AMPH: variants seen among roughly 807,000 people sequenced by gnomAD.
AMPH encodes amphiphysin (Stiff-Mann syndrome with breast cancer 128kD autoantigen).
Under a neutral mutation model 99.1 loss-of-function variants are expected in AMPH, and 49 were observed. The ratio of observed to expected loss-of-function variants is 0.49; its 90% CI spans 0.39 to 0.63. The LOEUF (loss-of-function observed/expected upper bound fraction) is 0.63. Ranked by LOEUF, AMPH falls within the 20% of genes least tolerant of loss-of-function variation. AMPH has a pLI of 0.00. For synonymous variants in AMPH, 314 were observed against 317.3 expected (o/e 0.99, Z 0.11); for missense variants, 759 against 863.4 (o/e 0.88, Z 1.52).
intron 1 of AMPH, among the ~76,000 whole-genome samples, chr7:38,573,538 A>G (rs1275249796): frequency 1.3e-5 from 2 of 152,228 alleles, no homozygotes; most frequent in African/African-American, 4.8e-5. Context: ...ACATGTTGTA[A>G]CTATTGTGTG....
At chr7:38,398,829 C>T (rs945708842) in intron 17 of AMPH, among the ~76,000 whole-genome samples, 1 of 151,510 alleles carries the variant, frequency 6.6e-6, no homozygotes, top group Non-Finnish European at 1.5e-5. Flanking sequence ...CCCTACGTAC[C>T]CACAAAAGTT....
At chr7:38,389,634 G>T (rs189730373) in intron 20 of AMPH, among the ~76,000 whole-genome samples, 170 bp downstream of exon 20, 2 of 152,148 alleles carry the variant, frequency 1.3e-5, no homozygotes, top group Non-Finnish European at 2.9e-5. Context: ...TCCCAAAAGG[G>T]TGTCCTAGAA....
chr7:38,581,071 G>T (rs1456096712), intron 1 of AMPH, among the ~76,000 whole-genome samples: 2 of 150,966 alleles, frequency 1.3e-5, no homozygotes, highest in African/African-American at 4.9e-5. Flanking sequence ...TCTAGTAGGT[G>T]CCAGGCACAC....
At chr7:38,408,028 A>C (rs977404224) in intron 17 of AMPH, among the ~76,000 whole-genome samples, 1 of 152,190 alleles carries the variant, frequency 6.6e-6, no homozygotes, top group Non-Finnish European at 1.5e-5. Context: ...CAACAACCCT[A>C]TTAAATATTC....
intron 17 of AMPH, among the ~76,000 whole-genome samples, chr7:38,413,162 C>A (rs954918465): frequency 4.6e-5 from 7 of 152,102 alleles, no homozygotes; most frequent in African/African-American, 9.7e-5. Context: ...AACCTCTGCA[C>A]GACAGATGTT....
At chr7:38,408,861 T>G (rs1055327255) in intron 17 of AMPH, among the ~76,000 whole-genome samples, 1 of 152,206 alleles carries the variant, frequency 6.6e-6, no homozygotes, top group African/African-American at 2.4e-5. Context: ...CCTGTGGATT[T>G]CATCGTTAAG....
intron 1 of AMPH, among the ~76,000 whole-genome samples, chr7:38,561,920 G>C (rs1320501248): frequency 1.4e-5 from 2 of 140,182 alleles, no homozygotes; most frequent in Non-Finnish European, 3.1e-5. Context: ...TCTTGGACTT[G>C]TAAGAAAAAA....
chr7:38,559,203 A>G (rs1398966406), intron 1 of AMPH, among the ~76,000 whole-genome samples: 2 of 152,144 alleles, frequency 1.3e-5, no homozygotes, highest in African/African-American at 4.8e-5. Context: ...CAGGCCCACT[A>G]CTGAAATCAC....
chr7:38,622,477 A>G lies in AMPH; in HGVS notation c.69+8806T>C, dbSNP rs1015483095. 4.7e-5 allele frequency among the ~76,000 whole-genome samples: 7 copies of G among 150,318 alleles called. No homozygotes were observed. In the South Asian group the frequency reaches 1.5e-3, roughly 32 times the overall value. ...CATACACACACACACACACACACAC[A>G]CGCACAAACACATCCCCTTAGATGA... On this transcript the variant is annotated intron_variant, in intron 1 of 20. Coordinates refer to ENST00000356264, the MANE Select transcript of AMPH (RefSeq NM_001635.4).
chr7:38,415,051 T>A (rs537697004), intron 17 of AMPH, among the ~76,000 whole-genome samples: 8 of 152,326 alleles, frequency 5.3e-5, no homozygotes, highest in South Asian at 2.1e-4. Flanking sequence ...GTTGTTTTTT[T>A]AAATGCATCC....
Position 38,423,841 on chromosome 7 carries a change from T to C in AMPH, c.1216-1364A>G, listed in dbSNP as rs907622195. On this transcript the variant is annotated intron_variant, in intron 15 of 20. Transcript: ENST00000356264. ...CAGACCTCAAGATATTCTTACCTAC[T>C]AAGAACACCAAGCAACATCCTTGCC... Among the ~76,000 whole-genome samples, 8 of 152,228 alleles carry C rather than the reference T, an allele frequency of 5.3e-5. No homozygotes were observed. The East Asian group carries it at 1.4e-3, about 26-fold the overall frequency.
chr7:38,520,525 A>T (rs1382078448), intron 2 of AMPH, among the ~76,000 whole-genome samples: 1 of 152,246 alleles, frequency 6.6e-6, no homozygotes, highest in African/African-American at 2.4e-5. Context: ...AAGGTTTGTA[A>T]AAATGACTAA....
chr7:38,476,810 C>A, intron 6 of AMPH, 52 bp downstream of exon 6: 4 of 1,371,458 alleles, frequency 2.9e-6, no homozygotes, highest in South Asian at 1.2e-5. Flanking sequence ...AGTAAAGCTG[C>A]AACAGGTCAT....
intron 11 of AMPH, among the ~76,000 whole-genome samples, chr7:38,443,445 C>A (rs1385524009): frequency 6.6e-6 from 1 of 151,924 alleles, no homozygotes; most frequent in Non-Finnish European, 1.5e-5. Context: ...TGTAAAAATT[C>A]TAGACCGAGC....
chr7:38,527,640 C>T (rs923602479), intron 2 of AMPH, among the ~76,000 whole-genome samples: 4 of 152,110 alleles, frequency 2.6e-5, no homozygotes, highest in African/African-American at 7.2e-5. Context: ...GTAGTATTTT[C>T]GTTGACGTCT....
chr7:38,455,375 A>G lies in AMPH; in HGVS notation c.1017+5908T>C, dbSNP rs80184831. The stretch of plus-strand genomic sequence containing the variant: ...TGTGAGCCACTGCGCCCAGCCTACA[A>G]TTCTTTATTCTGGGAGATTCTCAAG... On this transcript the variant is annotated intron_variant, in intron 11 of 20. Coordinates refer to ENST00000356264, the MANE Select transcript of AMPH (RefSeq NM_001635.4). Among the ~76,000 whole-genome samples the G allele has an allele frequency of 2.3e-4, 35 of 152,286 alleles. No homozygotes were observed. The East Asian group carries it at 5.6e-3, about 24-fold the overall frequency.
chr7:38,624,489 G>A (rs1025154327), intron 1 of AMPH, among the ~76,000 whole-genome samples: 2 of 151,348 alleles, frequency 1.3e-5, no homozygotes, highest in African/African-American at 2.4e-5. Context: ...CTGCCCTCCC[G>A]GTTCAAGCGA....
In AMPH at chr7:38,436,402, C is replaced by T. The variant is rs374201409; in HGVS notation, c.1018-14G>A. ...AGGGACTTCATTCTGTTAAAGCAAA[C>T]AACAAAACAAAATAAAACATGTATT... On this transcript the variant is annotated splice_polypyrimidine_tract_variant and intron_variant, in intron 11 of 20. Transcript: ENST00000356264. 3.1e-6 allele frequency: 5 copies of T among 1,588,924 alleles called. No individual in the cohort carries two copies. Among genetic ancestry groups the T allele is most frequent in the Middle Eastern group, 1.7e-4 (1 of 6,012 alleles).
At chr7:38,445,908 G>T (rs1300666801) in intron 11 of AMPH, among the ~76,000 whole-genome samples, 1 of 150,838 alleles carries the variant, frequency 6.6e-6, no homozygotes, top group African/African-American at 2.5e-5. Context: ...AGTGTCAAGA[G>T]ATCTGGTTGT....
Sources: gnomAD v4.1 joint callset for allele counts (sites outside exome capture counted in the v4.1 genomes callset) on GRCh38, gnomAD v4.1.1 for gene constraint, MANE v1.5 for transcripts, NCBI Gene and HGNC (gene_info 2026-07-23, HGNC 2026-07-21) for gene names.